MACF1: variants seen among roughly 807,000 people sequenced by gnomAD.
MACF1 encodes the protein microtubule-actin cross-linking factor 1.
MACF1 carries 193 observed loss-of-function variants against 854.8 expected under a neutral mutation model. The observed-to-expected ratio is 0.23, with a 90% confidence interval of 0.20 to 0.25. The LOEUF (loss-of-function observed/expected upper bound fraction) is 0.25. Among genes scored for constraint, MACF1 ranks in the 10% least tolerant of loss-of-function variants. The probability of loss-of-function intolerance (pLI) is 1.00; values close to 1 mark genes in which losing one functional copy is unlikely to be tolerated. For missense variants in MACF1, 7,722 were observed against 8,929.1 expected, an observed-to-expected ratio of 0.86 and a Z score of 5.45; for synonymous variants, 3,185 against 3,226.7, an observed-to-expected ratio of 0.99 and a Z score of 0.44.
intron 96 of MACF1, 81 bp downstream of exon 96, chr1:39,468,813 G>A: frequency 8.0e-7 from 1 of 1,248,884 alleles, no homozygotes; most frequent in Non-Finnish European, 1.2e-6. Context: ...AAGCATTGAT[G>A]GTGGGGTCTG....
At chr1:39,236,168 A>G (rs773506727) in intron 2 of MACF1, among the ~76,000 whole-genome samples, 8 of 152,206 alleles carry the variant, frequency 5.3e-5, no homozygotes, top group Non-Finnish European at 1.0e-4. Flanking sequence ...TAATTTGTTC[A>G]AGATCATGCT....
At chr1:39,186,847 T>C (rs574677014) in intron 2 of MACF1, among the ~76,000 whole-genome samples, 23 of 152,170 alleles carry the variant, frequency 1.5e-4, no homozygotes, top group African/African-American at 5.3e-4. Context: ...TGGCCTCAAA[T>C]GATGCTCCTA....
rs1181049174 is a variant in MACF1 at position 39,447,598 on chromosome 1, T to C, written c.19761+11T>C. On this transcript the variant is annotated intron_variant, in intron 81 of 100. Coordinates refer to ENST00000564288, the MANE Select transcript of MACF1 (RefSeq NM_001394062.1). ...ATAGAAGAGCACAAGGTAAGTATGA[T>C]ATTATGATGCTGCATTCTTTTTGAA... 8.1e-6 allele frequency: 13 copies of C among 1,613,958 alleles called. No individual in the cohort carries two copies. The highest frequency in any genetic ancestry group is 1.1e-5 in the Non-Finnish European group (13 of 1,179,948).
At chr1:39,362,881 C>G (rs1323373741) in intron 49 of MACF1, among the ~76,000 whole-genome samples, 1 of 152,194 alleles carries the variant, frequency 6.6e-6, no homozygotes, top group African/African-American at 2.4e-5. Flanking sequence ...AGTCTCAACG[C>G]AACACCATAG....
intron 23 of MACF1, among the ~76,000 whole-genome samples, chr1:39,306,098 G>T (rs1276514917): frequency 6.6e-6 from 1 of 151,834 alleles, no homozygotes; most frequent in African/African-American, 2.4e-5. Context: ...TTGAATGAAA[G>T]AATGAATGAG....
At chr1:39,143,045 C>G (rs1232413305) in intron 2 of MACF1, among the ~76,000 whole-genome samples, 2 of 152,182 alleles carry the variant, frequency 1.3e-5, no homozygotes, top group Non-Finnish European at 2.9e-5. Context: ...ATTAAACAAA[C>G]ATTTGGAGTC....
In MACF1 at chr1:39,388,563, A is replaced by G. The variant is rs1216101534; in HGVS notation, c.15721A>G (p.Asn5241Asp). ...EDFYRKLKGL[N>D]DATTAAEEAE... ...CTTCTACAGGAAATTGAAAGGACTC[A>G]ATGACGCGACCACAGCAGCAGAGGA... Residue 5241 changes from asparagine to aspartate, a missense_variant, in exon 58 of 101, where the codon AAT becomes GAT. Around this residue, in one of 15 missense-constraint regions of MACF1, gnomAD observed 2,807 missense variants for 3,235.8 expected, o/e 0.87. Transcript: ENST00000564288. 4 of 1,614,054 alleles carry G rather than the reference A, an allele frequency of 2.5e-6. No individual in the cohort carries two copies. In the South Asian group the frequency reaches 3.3e-5, roughly 13 times the overall value.
intron 2 of MACF1, among the ~76,000 whole-genome samples, chr1:39,173,755 A>AT (rs1023215560): frequency 1.1e-4 from 16 of 152,138 alleles, no homozygotes; most frequent in Admixed American, 7.2e-4. Flanking sequence ...ACTGAGTGGG[A>AT]TACAAGAGCC....
intron 2 of MACF1, among the ~76,000 whole-genome samples, chr1:39,116,045 A>G (rs1410443030): frequency 6.6e-6 from 1 of 152,192 alleles, no homozygotes; most frequent in African/African-American, 2.4e-5. Flanking sequence ...GGAGGAAGAC[A>G]GGTGAAGAAG....
At chr1:39,402,360 C>T (rs936488840) in intron 58 of MACF1, among the ~76,000 whole-genome samples, 24 of 152,158 alleles carry the variant, frequency 1.6e-4, no homozygotes, top group African/African-American at 2.9e-4. Flanking sequence ...GGAAACCTAC[C>T]CTGAGCTTCC....
intron 97 of MACF1, 107 bp from the exon 98 acceptor site, chr1:39,479,691 C>T (rs1644979661): frequency 7.9e-6 from 7 of 887,144 alleles, no homozygotes; most frequent in South Asian, 1.6e-5. Flanking sequence ...GGTACTAAAC[C>T]CATATAACTT....
intron 69 of MACF1, 144 bp from the exon 70 acceptor site, chr1:39,435,414 C>T (rs1256430185): frequency 6.0e-6 from 4 of 668,704 alleles, no homozygotes; most frequent in African/African-American, 3.6e-5. Flanking sequence ...TCTGTTCCCA[C>T]ACAAATGGTG....
intron 22 of MACF1, among the ~76,000 whole-genome samples, chr1:39,301,439 T>G (rs940194077): frequency 7.3e-5 from 11 of 150,378 alleles, no homozygotes; most frequent in Non-Finnish European, 1.5e-4. Flanking sequence ...TTTATTTTAT[T>G]TTTTGAGACG....
chr1:39,283,507 A>G lies in MACF1; in HGVS notation c.907A>G (p.Ser303Gly), dbSNP rs1433265674. ...PKVPEGGEGI[S>G]ATEVDSRWQE... is the part of the protein sequence containing the mutation. ...AGTTCCTGAGGGTGGAGAAGGGATC[A>G]GTGCTACGGTAAAAGAACATTTTCC... is the stretch of plus-strand genomic sequence containing the variant. Residue 303 changes from serine to glycine, a missense_variant, in exon 9 of 101, where the codon AGT (serine) becomes GGT (glycine). By Grantham distance (56) the Ser-to-Gly change is moderately conservative (BLOSUM62 0). This residue lies in a region of MACF1 where 97 missense variants were observed against 130.4 expected (regional missense o/e 0.74). Coordinates refer to ENST00000564288, the MANE Select transcript of MACF1 (RefSeq NM_001394062.1). The surrounding 1 kb of genome is among the most constrained non-coding windows in gnomAD (Gnocchi z 4.5). 6.3e-7 allele frequency: 1 copy of G among 1,597,968 alleles called. No homozygotes were observed. Among genetic ancestry groups the G allele is most frequent in the African/African-American group, 1.3e-5 (1 of 74,670 alleles).
chr1:39,152,672 G>C (rs907257808), intron 2 of MACF1, among the ~76,000 whole-genome samples: 1 of 152,090 alleles, frequency 6.6e-6, no homozygotes, highest in African/African-American at 2.4e-5. Context: ...TTCTATCTTG[G>C]ACTTTCTTTT....
At position 39,333,037 on chromosome 1, in the gene MACF1, T is replaced by C; in HGVS notation, c.6449T>C (p.Val2150Ala). 6.2e-7 allele frequency: 1 copy of C among 1,614,008 alleles called. No individual in the cohort carries two copies. The highest frequency in any genetic ancestry group is 8.5e-7 in the Non-Finnish European group (1 of 1,180,024). The change falls in exon 37 of 101, where the codon GTT (valine) becomes GCT (alanine). Residue 2150 changes from valine (V) to alanine (A), a missense_variant. By Grantham distance (64) the Val-to-Ala change is moderately conservative. Transcript: ENST00000564288. Reference sequence around the variant, plus strand: ...GTGCCGTTGGTGGTTGACAAAGATGTTTTTTCTGTTGAAACACCAAAGAAA... The same window carrying C: ...GTGCCGTTGGTGGTTGACAAAGATGCTTTTTCTGTTGAAACACCAAAGAAA... ...EGVPLVVDKD[V>A]FSVETPKKEH...
At position 39,284,212 on chromosome 1, in the gene MACF1, G is replaced by T. The variant is rs2039597; in HGVS notation, c.1035+27G>T. ...TAAAGTCAAGGACTTAAATTTTTTTGGTAAAATCTTTCTAGGGAGTAAGTC... is the reference window on the plus strand; with the variant it reads ...TAAAGTCAAGGACTTAAATTTTTTTTGTAAAATCTTTCTAGGGAGTAAGTC... On this transcript the variant is annotated intron_variant, in intron 10 of 100. Transcript: ENST00000564288. 278,196 of 1,604,484 alleles carry T rather than the reference G, an allele frequency of 0.17. 27,470 individuals carry two copies. The highest frequency in any genetic ancestry group is 0.36 in the East Asian group (16,270 of 44,766).
chr1:39,267,526 G>A (rs974077450), intron 6 of MACF1, among the ~76,000 whole-genome samples: 2 of 152,172 alleles, frequency 1.3e-5, no homozygotes, highest in East Asian at 1.9e-4. Context: ...GAGCCACTGC[G>A]CCTGGCCAAA....
At chr1:39,304,709 G>C (rs924936474) in intron 23 of MACF1, among the ~76,000 whole-genome samples, 1 of 151,392 alleles carries the variant, frequency 6.6e-6, no homozygotes, top group Non-Finnish European at 1.5e-5. Context: ...GACTACAGGC[G>C]CCCGTCACCA....
Sources: gnomAD v4.1 joint callset for allele counts (sites outside exome capture counted in the v4.1 genomes callset) on GRCh38, gnomAD v4.1.1 for gene constraint, gnomAD v4.1.1 regional missense constraint, Gnocchi (gnomAD v3.1) non-coding constraint, MANE v1.5 for transcripts, NCBI Gene and HGNC (gene_info 2026-07-23, HGNC 2026-07-21) for gene names.